The following HDLBP variants were observed in gnomAD, a reference collection of about 807,000 sequenced individuals.
HDLBP encodes the protein high density lipoprotein binding protein, also known as vigilin.
Under a neutral mutation model 137.3 loss-of-function variants are expected in HDLBP, and 30 were observed. That is an observed-to-expected ratio of 0.22 (90% confidence interval 0.16 to 0.30). The LOEUF (loss-of-function observed/expected upper bound fraction) is 0.30, where lower values mean the gene tolerates loss of function less well. Ranked by LOEUF, HDLBP falls within the 10% of genes least tolerant of loss-of-function variation. HDLBP has a pLI of 1.00. For synonymous variants in HDLBP, 606 were observed against 596.0 expected (o/e 1.02, Z -0.24); for missense variants, 1,119 against 1,667.3 (o/e 0.67, Z 5.73).
rs1234060423 is a variant in HDLBP at position 241,250,049 on chromosome 2, C to A, written c.1373-69G>T. On this transcript the variant is annotated intron_variant, in intron 11 of 27. Coordinates refer to ENST00000310931, the MANE Select transcript of HDLBP (RefSeq NM_005336.6). ...ACATTCTGCCAATGACATAACTGGG[C>A]AGGACAGCGCTAAAGCGCTAAATAA... is the stretch of plus-strand genomic sequence containing the variant. 4.1e-5 allele frequency: 60 copies of A among 1,469,754 alleles called. 1 individual carries two copies. The highest frequency in any genetic ancestry group is 9.2e-6 in the Non-Finnish European group (10 of 1,087,028). The allele number at this position is 1,469,754 out of a possible 1,614,324, so 91.0% of individuals were successfully genotyped here. A position where few individuals can be genotyped will look rare whatever the true frequency, so the allele number is the denominator to read the frequency against.
chr2:241,252,328 C>T (rs1018764232), intron 11 of HDLBP, among the ~76,000 whole-genome samples: 4 of 152,176 alleles, frequency 2.6e-5, no homozygotes, highest in Non-Finnish European at 5.9e-5. Context: ...ATGGTGAAAC[C>T]CCGTCTCTTC....
At chr2:241,314,581 C>G (rs1279311701) in intron 1 of HDLBP, among the ~76,000 whole-genome samples, 3 of 152,172 alleles carry the variant, frequency 2.0e-5, no homozygotes, top group African/African-American at 7.2e-5. Context: ...TTCCTTCAGC[C>G]GTTTAATTTC....
intron 1 of HDLBP, among the ~76,000 whole-genome samples, chr2:241,280,328 C>T (rs540739305): frequency 9.9e-5 from 15 of 152,282 alleles, no homozygotes; most frequent in African/African-American, 3.6e-4. Flanking sequence ...CTTTGGCTCA[C>T]ATGTATTTAC....
At chr2:241,292,991 G>A (rs921808902) in intron 1 of HDLBP, among the ~76,000 whole-genome samples, 2 of 151,878 alleles carry the variant, frequency 1.3e-5, no homozygotes, top group African/African-American at 4.8e-5. Context: ...CTGTGCCACT[G>A]CACTCGGCCT....
intron 11 of HDLBP, 30 bp from the exon 12 acceptor site, chr2:241,250,010 G>C (rs1016747895): frequency 2.5e-6 from 4 of 1,576,816 alleles, no homozygotes; most frequent in Middle Eastern, 3.4e-4. Context: ...ACACATTTAG[G>C]ACACAGACCA....
intron 1 of HDLBP, among the ~76,000 whole-genome samples, chr2:241,305,762 T>C (rs1264509961): frequency 7.0e-6 from 1 of 142,768 alleles, no homozygotes. Context: ...GTTTATTTGT[T>C]TTTTTTTTTT....
chr2:241,302,229 A>G (rs578251321), intron 1 of HDLBP, among the ~76,000 whole-genome samples: 2 of 152,138 alleles, frequency 1.3e-5, no homozygotes, highest in South Asian at 2.1e-4. Context: ...CTGTACTCCA[A>G]CTAGTGACTG....
At chr2:241,252,899 A>T in intron 11 of HDLBP, 58 bp downstream of exon 11, 1 of 1,164,776 alleles carries the variant, frequency 8.6e-7, no homozygotes, top group Non-Finnish European at 1.3e-6. Context: ...CACAGCTGAC[A>T]CCCCCCACAA....
At chr2:241,291,431 C>T (rs1388379037) in intron 1 of HDLBP, among the ~76,000 whole-genome samples, 2 of 152,212 alleles carry the variant, frequency 1.3e-5, no homozygotes, top group South Asian at 4.2e-4. Flanking sequence ...CACCAAAATA[C>T]GGCTTCCACG....
intron 1 of HDLBP, among the ~76,000 whole-genome samples, chr2:241,292,175 A>C (rs1218189678): frequency 6.6e-6 from 1 of 152,008 alleles, no homozygotes; most frequent in East Asian, 1.9e-4. Flanking sequence ...AATATCCTTG[A>C]AACCACTGCC....
chr2:241,255,395 C>T lies in HDLBP; in HGVS notation c.1059G>A (p.Ala353=). ...LRGEPEKLGQ[A]LTEVYAKANS... The stretch of plus-strand genomic sequence containing the variant: ...TTACCTTGGCATAGACTTCAGTCAA[C>T]GCCTGACCTAACTTTTCAGGTTCGC... Residue 353 remains alanine (A), a synonymous_variant, in exon 8 of 28, where the codon GCG becomes GCA. Transcript: ENST00000310931. The T allele has an allele frequency of 1.2e-6, 2 of 1,614,014 alleles. No individual in the cohort carries two copies. The highest frequency in any genetic ancestry group is 2.2e-5 in the South Asian group (2 of 91,080).
chr2:241,291,363 C>G (rs548372384), intron 1 of HDLBP, among the ~76,000 whole-genome samples: 3 of 152,104 alleles, frequency 2.0e-5, no homozygotes, highest in Non-Finnish European at 4.4e-5. Context: ...GGAGCAGTCA[C>G]AAACCAAGGA....
chr2:241,249,517 T>A, intron 12 of HDLBP: 1 of 518,298 alleles, frequency 1.9e-6, no homozygotes. Flanking sequence ...CTGGGATGCC[T>A]TTGAGAATCC....
intron 17 of HDLBP, 66 bp downstream of exon 17, chr2:241,242,394 G>T: frequency 7.4e-7 from 1 of 1,359,082 alleles, no homozygotes; most frequent in Non-Finnish European, 1.0e-6. Flanking sequence ...TCCACAGTGA[G>T]AAGCGAGAAC....
intron 22 of HDLBP, 25 bp downstream of exon 22, chr2:241,235,465 A>T (rs751181068): frequency 6.4e-7 from 1 of 1,569,030 alleles, no homozygotes; most frequent in Non-Finnish European, 8.8e-7. Flanking sequence ...CTCCTGTGAC[A>T]TGGCCTCCCG....
At chr2:241,229,735 G>A (rs767027296) in intron 27 of HDLBP, 48 bp from the exon 28 acceptor site, 14 of 1,610,210 alleles carry the variant, frequency 8.7e-6, no homozygotes, top group East Asian at 4.5e-5. Context: ...TCCCCAACTC[G>A]CAAGCAGCTT....
chr2:241,310,044 G>A (rs761364755), intron 1 of HDLBP, among the ~76,000 whole-genome samples: 38 of 152,036 alleles, frequency 2.5e-4, no homozygotes, highest in Non-Finnish European at 1.3e-4. Flanking sequence ...AGAAAAGGCT[G>A]ACAAAAGCCA....
chr2:241,243,632 T>C (rs944905202), intron 16 of HDLBP: 3 of 152,654 alleles, frequency 2.0e-5, no homozygotes, highest in Admixed American at 6.5e-5. Context: ...CAGGAAACAG[T>C]GCCTGCAGCT....
At position 241,242,045 on chromosome 2, in the gene HDLBP, C is replaced by T. The variant is rs548652496; in HGVS notation, c.2169+415G>A. On this transcript the variant is annotated intron_variant, in intron 17 of 27. Coordinates refer to ENST00000310931, the MANE Select transcript of HDLBP (RefSeq NM_005336.6). ...TAAACCTGGTGTCACCAGAAGAGCCCGGAAACATACCCACAGATGGGTTTT... is the reference window on the plus strand; with the variant it reads ...TAAACCTGGTGTCACCAGAAGAGCCTGGAAACATACCCACAGATGGGTTTT... Among the ~76,000 whole-genome samples the T allele has an allele frequency of 8.5e-5, 13 of 152,252 alleles. No homozygotes were observed. In the East Asian group the frequency reaches 1.7e-3, roughly 20 times the overall value.
Sources: gnomAD v4.1 joint callset for allele counts (sites outside exome capture counted in the v4.1 genomes callset) on GRCh38, gnomAD v4.1.1 for gene constraint, MANE v1.5 for transcripts, NCBI Gene and HGNC (gene_info 2026-07-23, HGNC 2026-07-21) for gene names.